The following SMOC2 variants were observed in gnomAD, a reference collection of about 807,000 sequenced individuals.
The protein encoded by SMOC2 is SPARC related modular calcium binding 2, also known as SPARC-related modular calcium-binding protein 2.
Under a neutral mutation model 61.4 loss-of-function variants are expected in SMOC2, and 39 were observed. The ratio of observed to expected loss-of-function variants is 0.64; its 90% CI spans 0.49 to 0.83. The LOEUF is 0.83. Ranked by LOEUF, SMOC2 falls within the 40% of genes least tolerant of loss-of-function variation. SMOC2 has a pLI of 0.00. For synonymous variants in SMOC2, 247 were observed against 239.9 expected (o/e 1.03, Z -0.27); for missense variants, 556 against 592.9 (o/e 0.94, Z 0.65).
intron 9 of SMOC2, among the ~76,000 whole-genome samples, chr6:168,620,609 C>T (rs1202334936): frequency 1.3e-5 from 2 of 152,134 alleles, no homozygotes; most frequent in African/African-American, 4.8e-5. Flanking sequence ...GTACCAATGT[C>T]AAGAACATTT....
intron 7 of SMOC2, among the ~76,000 whole-genome samples, chr6:168,575,411 A>T (rs1784776120): frequency 6.6e-6 from 1 of 152,178 alleles, no homozygotes; most frequent in Admixed American, 6.5e-5. Context: ...GGGAAGATAA[A>T]TGCATAGATA....
chr6:168,566,264 A>T (rs1381426906), intron 7 of SMOC2, among the ~76,000 whole-genome samples: 1 of 152,146 alleles, frequency 6.6e-6, no homozygotes, highest in Non-Finnish European at 1.5e-5. Context: ...ACACCACTGC[A>T]CAAGTCCTCA....
chr6:168,659,044 GTGTGGC>G, intron 11 of SMOC2, among the ~76,000 whole-genome samples: 1 of 121,766 alleles, frequency 8.2e-6, no homozygotes, highest in Non-Finnish European at 1.7e-5. Flanking sequence ...GTATGTGTGT[GTGTGGC>G]GTGTGGGGTG....
chr6:168,523,902 C>A (rs1783394857), intron 2 of SMOC2, among the ~76,000 whole-genome samples: 1 of 152,048 alleles, frequency 6.6e-6, no homozygotes, highest in Non-Finnish European at 1.5e-5. Flanking sequence ...AATAAGGTTT[C>A]CAGGGGACAG....
chr6:168,639,705 C>T (rs1221845158), intron 9 of SMOC2, among the ~76,000 whole-genome samples: 1 of 152,090 alleles, frequency 6.6e-6, no homozygotes, highest in Non-Finnish European at 1.5e-5. Flanking sequence ...TCGATTCCAT[C>T]ATCAGGTGGA....
intron 1 of SMOC2, among the ~76,000 whole-genome samples, chr6:168,490,635 T>C (rs1358795069): frequency 2.0e-5 from 3 of 152,190 alleles, no homozygotes; most frequent in Admixed American, 1.3e-4. Context: ...AGGGGTAGAA[T>C]TGAGATTTTT....
At chr6:168,656,949 A>T (rs1787339107) in intron 11 of SMOC2, among the ~76,000 whole-genome samples, 1 of 152,214 alleles carries the variant, frequency 6.6e-6, no homozygotes, top group African/African-American at 2.4e-5. Flanking sequence ...TGGCCCGGCC[A>T]TCCGATGAGG....
chr6:168,615,112 AGG>A (rs1336175712), intron 9 of SMOC2, among the ~76,000 whole-genome samples: 10 of 48,056 alleles, frequency 2.1e-4, no homozygotes, highest in African/African-American at 3.4e-4. Context: ...CAGCCAGCAC[AGG>A]GGGCCTCTTT....
At chr6:168,523,041 A>G (rs1783366244) in intron 2 of SMOC2, among the ~76,000 whole-genome samples, 1 of 150,214 alleles carries the variant, frequency 6.7e-6, no homozygotes, top group African/African-American at 2.4e-5. Context: ...TAAAATGGAT[A>G]AGATGGTAAA....
intron 1 of SMOC2, 49 bp downstream of exon 1, chr6:168,441,503 C>G (rs1180635266): frequency 6.9e-7 from 1 of 1,450,336 alleles, no homozygotes; most frequent in South Asian, 1.4e-5. Context: ...CCGCCTCTTG[C>G]AGCCGGCCGG....
intron 1 of SMOC2, among the ~76,000 whole-genome samples, chr6:168,456,627 A>G (rs541110833): frequency 1.3e-5 from 2 of 152,336 alleles, no homozygotes; most frequent in Admixed American, 1.3e-4. Flanking sequence ...GCCTTCCCAC[A>G]AGAATGTTCT....
chr6:168,625,994 T>G (rs1368510415), intron 9 of SMOC2, among the ~76,000 whole-genome samples: 1 of 152,158 alleles, frequency 6.6e-6, no homozygotes, highest in Non-Finnish European at 1.5e-5. Context: ...TATTCTGCAG[T>G]GAGCAAGGCA....
At chr6:168,606,063 C>T (rs1052908277) in intron 8 of SMOC2, among the ~76,000 whole-genome samples, 1 of 152,128 alleles carries the variant, frequency 6.6e-6, no homozygotes, top group African/African-American at 2.4e-5. Context: ...TCAGAGTGCC[C>T]TAGTTCTACA....
intron 8 of SMOC2, among the ~76,000 whole-genome samples, chr6:168,607,175 G>A (rs1785718813): frequency 1.3e-5 from 2 of 152,130 alleles, no homozygotes; most frequent in African/African-American, 4.8e-5. Flanking sequence ...GCGGAAGATT[G>A]TCCTCCTTGG....
chr6:168,562,847 G>T (rs1372712579), intron 7 of SMOC2, among the ~76,000 whole-genome samples: 1 of 152,184 alleles, frequency 6.6e-6, no homozygotes, highest in African/African-American at 2.4e-5. Flanking sequence ...ATCCCTCCAG[G>T]CCGTATTTTC....
chr6:168,511,811 G>GTTTT lies in SMOC2; in HGVS notation c.256+1727_256+1728insTTTT, dbSNP rs144317852. Reference sequence around the variant, plus strand: ...GACAAATGGCTATTCATTATCAAGGGTTGTTTTTTTTTTTTTTTCTGAAAT... The same window carrying GTTTT: ...GACAAATGGCTATTCATTATCAAGGGTTTTTTGTTTTTTTTTTTTTTTCTGAAAT... On this transcript the variant is annotated intron_variant, in intron 2 of 12. Coordinates refer to ENST00000356284, the MANE Select transcript of SMOC2 (RefSeq NM_001166412.2). Among the ~76,000 whole-genome samples, 815 of 130,686 alleles carry GTTTT rather than the reference G, an allele frequency of 6.2e-3. 59 individuals carry two copies. The highest frequency in any genetic ancestry group is 0.02 in the East Asian group (91 of 4,510). 85.7% of individuals were successfully genotyped at this position (130,686 alleles called of 152,430 possible).
At chr6:168,597,749 G>T (rs78375094) in intron 7 of SMOC2, among the ~76,000 whole-genome samples, 1 of 152,346 alleles carries the variant, frequency 6.6e-6, no homozygotes, top group East Asian at 1.9e-4. Flanking sequence ...CAGAGAGGCT[G>T]CCCCTGCTGC....
At chr6:168,456,330 C>T (rs1781585966) in intron 1 of SMOC2, among the ~76,000 whole-genome samples, 1 of 151,594 alleles carries the variant, frequency 6.6e-6, no homozygotes, top group African/African-American at 2.4e-5. Flanking sequence ...GTGGGTGGGG[C>T]GTGGAGGGGC....
chr6:168,595,307 G>A lies in SMOC2; in HGVS notation c.638-3511G>A, dbSNP rs556627635. On this transcript the variant is annotated intron_variant, in intron 7 of 12. Coordinates refer to ENST00000356284, the MANE Select transcript of SMOC2 (RefSeq NM_001166412.2). Reference sequence around the variant, plus strand: ...TCCTTGGGTTCCTTCCTGGAGTCACGGCCCCATGCGCCTCCCCAAGACGGA... The same window carrying A: ...TCCTTGGGTTCCTTCCTGGAGTCACAGCCCCATGCGCCTCCCCAAGACGGA... Among the ~76,000 whole-genome samples, 4 of 152,120 alleles carry A rather than the reference G, an allele frequency of 2.6e-5. No individual in the cohort carries two copies. In the South Asian group the frequency reaches 8.3e-4, roughly 32 times the overall value.
Sources: gnomAD v4.1 joint callset for allele counts (sites outside exome capture counted in the v4.1 genomes callset) on GRCh38, gnomAD v4.1.1 for gene constraint, MANE v1.5 for transcripts, NCBI Gene and HGNC (gene_info 2026-07-23, HGNC 2026-07-21) for gene names.